RABGAP1L: variants seen among roughly 807,000 people sequenced by gnomAD.
RABGAP1L encodes RAB GTPase activating protein 1 like.
In RABGAP1L, 63 loss-of-function variants were observed where a neutral mutation model predicts 137.7. The observed-to-expected ratio is 0.46, with a 90% CI of 0.37 to 0.56. The LOEUF is 0.56. Ranked by LOEUF, RABGAP1L falls within the 20% of genes least tolerant of loss-of-function variation. RABGAP1L has a pLI of 0.00. For synonymous variants in RABGAP1L, 431 were observed against 433.7 expected (o/e 0.99, Z 0.08); for missense variants, 1,095 against 1,244.0 (o/e 0.88, Z 1.80).
chr1:174,396,273 A>G (rs947719217), intron 13 of RABGAP1L, among the ~76,000 whole-genome samples: 1 of 152,140 alleles, frequency 6.6e-6, no homozygotes, highest in Admixed American at 6.6e-5. Flanking sequence ...TTATGAATAT[A>G]CTAAAAACCA....
At chr1:174,273,210 T>C (rs990001382) in intron 8 of RABGAP1L, among the ~76,000 whole-genome samples, 2 of 152,078 alleles carry the variant, frequency 1.3e-5, no homozygotes, top group Non-Finnish European at 1.5e-5. Flanking sequence ...TTTGCAAATA[T>C]CAGTTAAACA....
chr1:174,229,973 A>G (rs990381828), intron 3 of RABGAP1L, among the ~76,000 whole-genome samples: 1 of 152,146 alleles, frequency 6.6e-6, no homozygotes, highest in African/African-American at 2.4e-5. Flanking sequence ...CTGGTGTGAG[A>G]TGGTATCTCA....
chr1:174,607,262 C>T (rs554579368), intron 13 of RABGAP1L, among the ~76,000 whole-genome samples: 1 of 152,258 alleles, frequency 6.6e-6, no homozygotes, highest in East Asian at 1.9e-4. Context: ...AAAGAGCTAA[C>T]AAGTTATGAA....
At chr1:174,286,878 T>C (rs1214833505) in intron 10 of RABGAP1L, among the ~76,000 whole-genome samples, 4 of 152,186 alleles carry the variant, frequency 2.6e-5, no homozygotes, top group Non-Finnish European at 2.9e-5. Flanking sequence ...TCTAGTTTTA[T>C]ACCATTGTGG....
In RABGAP1L at chr1:174,424,645, C is replaced by T. The variant is rs1326258470; in HGVS notation, c.1710+30500C>T. Among the ~76,000 whole-genome samples the T allele has an allele frequency of 2.6e-5, 4 of 152,056 alleles. No individual in the cohort carries two copies. The East Asian group carries it at 7.7e-4, about 29-fold the overall frequency. The stretch of plus-strand genomic sequence containing the variant: ...TTTTAACCACATGCAATGTAGTAAT[C>T]ACCTGGAAATCACACACTTTCTCAA... On this transcript the variant is annotated intron_variant, in intron 13 of 25. Coordinates refer to ENST00000681986, the MANE Select transcript of RABGAP1L (RefSeq NM_001366446.1).
intron 10 of RABGAP1L, among the ~76,000 whole-genome samples, chr1:174,289,878 G>A (rs545317279): frequency 6.6e-6 from 1 of 152,202 alleles, no homozygotes; most frequent in Non-Finnish European, 1.5e-5. Context: ...GTTAGGCGGG[G>A]TTGCTGGCTG....
chr1:174,801,613 G>A (rs1292806205), intron 18 of RABGAP1L, among the ~76,000 whole-genome samples: 1 of 152,126 alleles, frequency 6.6e-6, no homozygotes, highest in Admixed American at 6.5e-5. Context: ...ACAATTATAG[G>A]GGGGATATTT....
At chr1:174,875,370 C>T (rs182669188) in intron 19 of RABGAP1L, 363 of 199,486 alleles carry the variant, frequency 1.8e-3, no homozygotes, top group Non-Finnish European at 2.5e-3. Context: ...AGAAGATTAC[C>T]TATGGTTACG....
chr1:174,957,394 C>T (rs922337973), intron 19 of RABGAP1L, 63 bp from the exon 20 acceptor site: 4 of 1,320,964 alleles, frequency 3.0e-6, no homozygotes, highest in South Asian at 1.2e-5. Context: ...CTAGCAAACA[C>T]ACCTGAATTT....
At chr1:174,820,514 A>C (rs1690905442) in intron 19 of RABGAP1L, among the ~76,000 whole-genome samples, 1 of 152,186 alleles carries the variant, frequency 6.6e-6, no homozygotes. Context: ...AGTGGTTGAC[A>C]TGATGGGAAA....
At chr1:174,952,176 TA>T (rs1309449027) in intron 19 of RABGAP1L, among the ~76,000 whole-genome samples, 9 of 151,896 alleles carry the variant, frequency 5.9e-5, no homozygotes, top group Admixed American at 5.2e-4. Flanking sequence ...AACTCCTAAA[TA>T]AACAAAGCCC....
At chr1:174,489,778 C>G (rs1660046822) in intron 13 of RABGAP1L, among the ~76,000 whole-genome samples, 1 of 152,044 alleles carries the variant, frequency 6.6e-6, no homozygotes, top group Non-Finnish European at 1.5e-5. Context: ...TGGAACCAAC[C>G]CAAATGTCCA....
At chr1:174,718,897 T>A (rs1681247946) in intron 17 of RABGAP1L, among the ~76,000 whole-genome samples, 1 of 148,728 alleles carries the variant, frequency 6.7e-6, no homozygotes, top group South Asian at 2.1e-4. Flanking sequence ...TGGAGTGCAA[T>A]GGTGCCATCT....
intron 19 of RABGAP1L, among the ~76,000 whole-genome samples, chr1:174,880,787 A>G (rs1470282404): frequency 6.6e-6 from 1 of 151,832 alleles, no homozygotes; most frequent in East Asian, 1.9e-4. Flanking sequence ...GGGTCTTGCT[A>G]TGTTGCCCAA....
chr1:174,348,733 TG>T (rs1682693832), intron 11 of RABGAP1L, among the ~76,000 whole-genome samples: 1 of 149,106 alleles, frequency 6.7e-6, no homozygotes, highest in African/African-American at 2.5e-5. Context: ...CATTTAACCC[TG>T]AGTGGACACA....
intron 19 of RABGAP1L, among the ~76,000 whole-genome samples, chr1:174,907,688 CA>C (rs892230625): frequency 1.9e-4 from 29 of 151,848 alleles, no homozygotes; most frequent in African/African-American, 7.0e-4. Flanking sequence ...AAGCACAGTG[CA>C]AAAAACCTAT....
intron 13 of RABGAP1L, among the ~76,000 whole-genome samples, chr1:174,412,585 G>A: frequency 6.6e-6 from 1 of 151,956 alleles, no homozygotes; most frequent in East Asian, 1.9e-4. Context: ...TGTGTTTTTG[G>A]GTAGAGGAGG....
chr1:174,186,206 A>G (rs1372401657), intron 1 of RABGAP1L, among the ~76,000 whole-genome samples: 1 of 152,064 alleles, frequency 6.6e-6, no homozygotes, highest in African/African-American at 2.4e-5. Flanking sequence ...TTTTATGTTG[A>G]CTTCTAGTGC....
chr1:174,607,714 A>G (rs1343156808), intron 13 of RABGAP1L, among the ~76,000 whole-genome samples: 1 of 152,232 alleles, frequency 6.6e-6, no homozygotes, highest in Non-Finnish European at 1.5e-5. Flanking sequence ...AGGAAATACT[A>G]ACTTGGAAGA....
Sources: allele counts gnomAD v4.1 joint callset (sites outside exome capture counted in the v4.1 genomes callset), GRCh38; gene constraint gnomAD v4.1.1; transcripts MANE v1.5; gene names NCBI Gene and HGNC (gene_info 2026-07-23, HGNC 2026-07-21).